The following LRRC36 variants were observed in gnomAD, a reference collection of about 807,000 sequenced individuals.
The protein encoded by LRRC36 is leucine rich repeat containing 36.
A neutral mutation model predicts 81.1 loss-of-function variants in LRRC36; 62 were observed. The ratio of observed to expected loss-of-function variants is 0.76; its 90% confidence interval spans 0.62 to 0.94. LRRC36 has a LOEUF of 0.94. Ranked by LOEUF, LRRC36 falls within the 40% of genes least tolerant of loss-of-function variation. The pLI, the probability that LRRC36 is intolerant of heterozygous loss-of-function variation, is 0.00. For synonymous variants in LRRC36, 334 were observed against 348.6 expected, an observed-to-expected ratio of 0.96 and a Z score of 0.47; for missense variants, 761 against 881.7, an observed-to-expected ratio of 0.86 and a Z score of 1.73.
At chr16:67,329,479 G>A (rs2037367763) in intron 1 of LRRC36, among the ~76,000 whole-genome samples, 1 of 151,762 alleles carries the variant, frequency 6.6e-6, no homozygotes, top group Non-Finnish European at 1.5e-5. Flanking sequence ...TTTTAGTAGA[G>A]ACGGGGTTTC....
chr16:67,367,511 A>T lies in LRRC36; in HGVS notation c.1195+54A>T, dbSNP rs561074497. The T allele has an allele frequency of 4.7e-4, 695 of 1,486,172 alleles. 4 individuals carry two copies. The African/African-American group carries it at 8.9e-3, about 19-fold the overall frequency. 92.1% of individuals were successfully genotyped at this position (1,486,172 alleles called of 1,614,324 possible). A position where few individuals can be genotyped will look rare whatever the true frequency, so the allele number is the denominator to read the frequency against. On this transcript the variant is annotated intron_variant, in intron 8 of 13. Transcript: ENST00000329956. ...TTCTTCATAGGCATGAAGATAGAAG[A>T]TATAAGTGAAAATTTTGGAATTAAC...
Position 67,339,759 on chromosome 16 carries a change from C to T in LRRC36, c.71-2198C>T, listed in dbSNP as rs553518422. On this transcript the variant is annotated intron_variant, in intron 1 of 13. Transcript: ENST00000329956. ...CCTTTTATTTCCTTTGCATCTATGT[C>T]CCTGTTCCATTCAGTGTAGATTCTA... Among the ~76,000 whole-genome samples, 10 of 152,258 alleles carry T rather than the reference C, an allele frequency of 6.6e-5. No individual in the cohort carries two copies. The South Asian group carries it at 1.0e-3, about 16-fold the overall frequency.
intron 8 of LRRC36, among the ~76,000 whole-genome samples, chr16:67,369,160 G>C (rs577363052): frequency 6.6e-6 from 1 of 152,298 alleles, no homozygotes; most frequent in East Asian, 1.9e-4. Flanking sequence ...GTAAAACTCT[G>C]AGACTGGATG....
chr16:67,336,011 C>G (rs1048094275), intron 1 of LRRC36, among the ~76,000 whole-genome samples: 1 of 152,212 alleles, frequency 6.6e-6, no homozygotes, highest in Non-Finnish European at 1.5e-5. Context: ...GGATTACAGG[C>G]GTGAGCCACC....
intron 5 of LRRC36, among the ~76,000 whole-genome samples, chr16:67,352,762 C>T (rs1310299714): frequency 6.6e-6 from 1 of 151,788 alleles, no homozygotes; most frequent in African/African-American, 2.4e-5. Flanking sequence ...ACTGCAACCT[C>T]TGCCTCCTAG....
Position 67,370,990 on chromosome 16 carries a change from C to A in LRRC36, c.1242C>A (p.Val414=). 1 of 1,614,086 alleles carries A rather than the reference C, an allele frequency of 6.2e-7. No homozygotes were observed. Among genetic ancestry groups the A allele is most frequent in the South Asian group, 1.1e-5 (1 of 91,042 alleles). ...TCAACAGTGACCCTGCTGTACTTGT[C>A]AATGTAGAGCAACAATTATCTACCA... ...THFNSDPAVL[V]NVEQQLSTSL... Residue 414 remains valine (V), a synonymous_variant, in exon 9 of 14, where the codon GTC becomes GTA. Coordinates refer to ENST00000329956, the MANE Select transcript of LRRC36 (RefSeq NM_018296.6).
At chr16:67,384,092 C>T (rs1004258206) in intron 13 of LRRC36, among the ~76,000 whole-genome samples, 4 of 152,072 alleles carry the variant, frequency 2.6e-5, no homozygotes, top group African/African-American at 9.7e-5. Flanking sequence ...TGAATAGTAT[C>T]GTGCATACAT....
intron 5 of LRRC36, among the ~76,000 whole-genome samples, chr16:67,356,625 A>G (rs2038915109): frequency 6.6e-6 from 1 of 152,214 alleles, no homozygotes; most frequent in African/African-American, 2.4e-5. Flanking sequence ...ACATACTCCC[A>G]TTTTGGAAAG....
chr16:67,334,924 A>C (rs2037685057), intron 1 of LRRC36, among the ~76,000 whole-genome samples: 2 of 152,080 alleles, frequency 1.3e-5, no homozygotes, highest in South Asian at 4.1e-4. Context: ...TGATTTTCAA[A>C]AGGGGAGGGA....
intron 13 of LRRC36, 70 bp from the exon 14 acceptor site, chr16:67,384,800 C>A: frequency 8.9e-7 from 1 of 1,123,126 alleles, no homozygotes; most frequent in Admixed American, 1.9e-5. Flanking sequence ...CTTTGGGAGA[C>A]ATTTTGGGTC....
At chr16:67,360,467 A>C (rs1472917937) in intron 5 of LRRC36, among the ~76,000 whole-genome samples, 1 of 152,180 alleles carries the variant, frequency 6.6e-6, no homozygotes, top group African/African-American at 2.4e-5. Context: ...GAGTAAGAGG[A>C]GCCCTGAACC....
In LRRC36 at chr16:67,343,380, G is replaced by C. The variant is rs1399928167; in HGVS notation, c.198+1296G>C. ...GTTCAAGACCAGCCTGAGCAACATA[G>C]TGAGACCCCTATCTCTATTTTAAAA... On this transcript the variant is annotated intron_variant, in intron 2 of 13. Transcript: ENST00000329956. 3.3e-5 allele frequency among the ~76,000 whole-genome samples: 5 copies of C among 151,974 alleles called. No homozygotes were observed. The East Asian group carries it at 9.7e-4, about 29-fold the overall frequency.
At chr16:67,345,279 A>T (rs2038287992) in intron 2 of LRRC36, among the ~76,000 whole-genome samples, 1 of 150,072 alleles carries the variant, frequency 6.7e-6, no homozygotes, top group South Asian at 2.1e-4. Flanking sequence ...GTACCACTGC[A>T]CTCCAGCCTG....
intron 9 of LRRC36, among the ~76,000 whole-genome samples, chr16:67,373,363 G>C (rs2039741123): frequency 6.6e-6 from 1 of 151,654 alleles, no homozygotes; most frequent in Non-Finnish European, 1.5e-5. Flanking sequence ...ATTTCTGAAA[G>C]GTGTAAGTCA....
intron 5 of LRRC36, among the ~76,000 whole-genome samples, chr16:67,361,292 A>G (rs1217736275): frequency 6.6e-6 from 1 of 152,184 alleles, no homozygotes; most frequent in Admixed American, 6.5e-5. Flanking sequence ...TGGGCCTCCC[A>G]AAGTGTTGGG....
At chr16:67,353,939 T>C (rs1597459978) in intron 5 of LRRC36, among the ~76,000 whole-genome samples, 4 of 152,134 alleles carry the variant, frequency 2.6e-5, no homozygotes, top group Admixed American at 6.5e-5. Context: ...AGATTAATTC[T>C]CTTAAAACAC....
In LRRC36 at chr16:67,375,863, C is replaced by T. The variant is rs568954012; in HGVS notation, c.1660+451C>T. On this transcript the variant is annotated intron_variant, in intron 10 of 13. Coordinates refer to ENST00000329956, the MANE Select transcript of LRRC36 (RefSeq NM_018296.6). ...ATGACCTGGACTCCCTTTAGGGGTT[C>T]GTTCTTTAGAAACATGGGAGAAAAC... Among the ~76,000 whole-genome samples, 89 of 152,138 alleles carry T rather than the reference C, an allele frequency of 5.8e-4. 1 individual carries two copies. Among genetic ancestry groups the T allele is most frequent in the South Asian group, 2.7e-3 (13 of 4,810 alleles).
intron 13 of LRRC36, among the ~76,000 whole-genome samples, chr16:67,383,071 CAAAAAA>C (rs59297593): frequency 2.3e-5 from 1 of 44,366 alleles, no homozygotes; most frequent in African/African-American, 5.7e-5. Context: ...GGCTCCGTCT[CAAAAAA>C]AAAAAAAAAA....
chr16:67,355,551 T>G (rs2038862826), intron 5 of LRRC36, among the ~76,000 whole-genome samples: 1 of 151,656 alleles, frequency 6.6e-6, no homozygotes, highest in Non-Finnish European at 1.5e-5. Flanking sequence ...ATTTTTTGTA[T>G]TTTTAGTAGA....
Sources: allele counts gnomAD v4.1 joint callset (sites outside exome capture counted in the v4.1 genomes callset), GRCh38; gene constraint gnomAD v4.1.1; transcripts MANE v1.5; gene names NCBI Gene and HGNC (gene_info 2026-07-23, HGNC 2026-07-21).